Variants in JAKMIP3 observed in about 807,000 individuals in gnomAD.
JAKMIP3 encodes the protein janus kinase and microtubule-interacting protein 3.
Under a neutral mutation model 118.5 loss-of-function variants are expected in JAKMIP3, and 58 were observed. That is an observed-to-expected ratio of 0.49 (90% CI 0.40 to 0.61). JAKMIP3 has a LOEUF of 0.61. JAKMIP3 is among the 20% of genes least tolerant of loss of function. The pLI is 0.00. For missense variants in JAKMIP3, 950 were observed against 1,109.0 expected (o/e 0.86, Z 2.04); for synonymous variants, 486 against 451.2 (o/e 1.08, Z -0.98).
At chr10:132,137,763 G>T (rs2052132541) in intron 8 of JAKMIP3, among the ~76,000 whole-genome samples, 1 of 152,222 alleles carries the variant, frequency 6.6e-6, no homozygotes, top group Non-Finnish European at 1.5e-5. Context: ...CGCCACCCCT[G>T]CAGGGTCCGG....
At chr10:132,089,190 G>A (rs1225924826) in intron 1 of JAKMIP3, among the ~76,000 whole-genome samples, 3 of 149,186 alleles carry the variant, frequency 2.0e-5, no homozygotes, top group Non-Finnish European at 4.5e-5. Flanking sequence ...TGGCAATGCG[G>A]GCCCTTTTTT....
rs2037747137 is a variant in JAKMIP3 at position 132,041,513 on chromosome 10, CGCG to C, written c.-138+4776_-138+4778del. 4.6e-5 allele frequency among the ~76,000 whole-genome samples: 7 copies of C among 152,352 alleles called. No homozygotes were observed. The South Asian group carries it at 1.5e-3, about 32-fold the overall frequency. On this transcript the variant is annotated intron_variant, in intron 1 of 23. Coordinates refer to the JAKMIP3 transcript ENST00000657785. The stretch of plus-strand genomic sequence containing the variant: ...CCAGGAGCCAGTGTGGCCCCTCTGC[CGCG>C]TGTCCCCACGCCCTAGGAGGTGCAT...
chr10:132,160,235 T>TG (rs773569291), intron 19 of JAKMIP3, among the ~76,000 whole-genome samples: 1 of 3,438 alleles, frequency 2.9e-4, no homozygotes, highest in Non-Finnish European at 4.4e-4. Flanking sequence ...TGTGTGATGC[T>TG]GGGGGGGGCC....
Position 132,168,099 on chromosome 10 carries a change from G to C in JAKMIP3, c.*169G>C. ...GAAGAGTGAGAAGGGGCAGTGTGTG[G>C]GGCGTGGAGCTGCCGTCCACGTGGG... On this transcript the variant is annotated 3_prime_UTR_variant, in exon 23 of 24. Transcript: ENST00000684848. 3.1e-6 allele frequency: 4 copies of C among 1,289,326 alleles called. No homozygotes were observed. The highest frequency in any genetic ancestry group is 3.0e-6 in the Non-Finnish European group (3 of 988,646). The allele number at this position is 1,289,326 out of a possible 1,614,324, so 79.9% of individuals were successfully genotyped here.
chr10:132,116,912 C>G (rs559524957), intron 2 of JAKMIP3, among the ~76,000 whole-genome samples, 165 bp from the exon 3 acceptor site: 33 of 151,784 alleles, frequency 2.2e-4, no homozygotes, highest in African/African-American at 7.5e-4. Context: ...GAAGCTCCCC[C>G]AAATGCACAT....
intron 1 of JAKMIP3, among the ~76,000 whole-genome samples, chr10:132,095,295 C>T (rs1425909015): frequency 1.3e-5 from 2 of 152,238 alleles, no homozygotes; most frequent in Admixed American, 1.3e-4. Flanking sequence ...TTTCCTTCTC[C>T]CTGTGGCCTT....
At chr10:132,171,563 TTTAGAC>T (rs1366045274) in intron 23 of JAKMIP3, among the ~76,000 whole-genome samples, 3 of 152,190 alleles carry the variant, frequency 2.0e-5, no homozygotes, top group Admixed American at 2.0e-4. Flanking sequence ...TTGAAATAAT[TTTAGAC>T]TTAAAGTTGC....
chr10:132,116,494 G>T (rs536410943), intron 2 of JAKMIP3, among the ~76,000 whole-genome samples: 2 of 138,510 alleles, frequency 1.4e-5, no homozygotes, highest in African/African-American at 5.5e-5. Flanking sequence ...TCCCCCAAAT[G>T]CACATTCAGG....
chr10:132,052,299 T>A (rs2038125438), intron 1 of JAKMIP3, among the ~76,000 whole-genome samples: 1 of 152,238 alleles, frequency 6.6e-6, no homozygotes, highest in Non-Finnish European at 1.5e-5. Context: ...CAGCTGTTAG[T>A]CTAAATGTCT....
At position 132,140,431 on chromosome 10, in the gene JAKMIP3, C is replaced by CG. The variant is rs763072156; in HGVS notation, c.1345-19dup. ...TGCCTGGGTCTGGTTTGAACTGACA[C>CG]GTCGCATTTTGGTCACAAGCCGGTG... On this transcript the variant is annotated intron_variant, in intron 9 of 23. Transcript: ENST00000684848. 3.7e-6 allele frequency: 6 copies of CG among 1,613,278 alleles called. No homozygotes were observed. The highest frequency in any genetic ancestry group is 4.2e-6 in the Non-Finnish European group (5 of 1,179,728).
chr10:132,122,658 T>C (rs2048763426), intron 3 of JAKMIP3, among the ~76,000 whole-genome samples: 1 of 151,964 alleles, frequency 6.6e-6, no homozygotes, highest in African/African-American at 2.4e-5. Context: ...GGAAGCCAGA[T>C]GGAGGGAAGA....
At chr10:132,054,080 G>A (rs2038169486) in intron 1 of JAKMIP3, among the ~76,000 whole-genome samples, 1 of 151,004 alleles carries the variant, frequency 6.6e-6, no homozygotes, top group Admixed American at 6.6e-5. Flanking sequence ...CTGAAAGCAG[G>A]CCTGTGAACA....
At chr10:132,157,484 G>A (rs1286232139) in intron 19 of JAKMIP3, among the ~76,000 whole-genome samples, 1 of 152,172 alleles carries the variant, frequency 6.6e-6, no homozygotes, top group Non-Finnish European at 1.5e-5. Flanking sequence ...GAGATTATCT[G>A]CAGGAAAAGT....
chr10:132,149,554 T>TCCCCTGCCCCACCCCCTCTCCC, intron 15 of JAKMIP3, 44 bp downstream of exon 15: 1 of 530,844 alleles, frequency 1.9e-6, no homozygotes, highest in South Asian at 3.1e-5. Flanking sequence ...ACCTCACCCA[T>TCCCCTGCCCCACCCCCTCTCCC]CCCCCGCCCC....
chr10:132,108,925 A>ATACGCAAATGTATATATAAAT (rs2135079943), intron 2 of JAKMIP3, among the ~76,000 whole-genome samples: 1 of 149,522 alleles, frequency 6.7e-6, no homozygotes, highest in African/African-American at 2.4e-5. Flanking sequence ...TATAAATTAT[A>ATACGCAAATGTATATATAAAT]TACGCAAATG....
intron 1 of JAKMIP3, among the ~76,000 whole-genome samples, chr10:132,071,160 AGTGTGTGTGTGTGT>A (rs3068079): frequency 1.0e-3 from 153 of 149,154 alleles, no homozygotes; most frequent in Middle Eastern, 6.9e-3. Context: ...GTCATTTAAA[AGTGTGTGTGTGTGT>A]GTGTGTGTGT....
At chr10:132,081,925 C>T (rs184050766) in intron 1 of JAKMIP3, among the ~76,000 whole-genome samples, 33 of 151,994 alleles carry the variant, frequency 2.2e-4, no homozygotes, top group Admixed American at 1.8e-3. Flanking sequence ...CCTCTGCTTT[C>T]GTGCACATAG....
intron 23 of JAKMIP3, among the ~76,000 whole-genome samples, chr10:132,180,767 G>GCA (rs1442562155): frequency 0.013 from 392 of 29,488 alleles, 88 homozygotes; most frequent in Non-Finnish European, 0.014. Flanking sequence ...GTGCGTGTGT[G>GCA]TGCGTGTGTG....
intron 1 of JAKMIP3, among the ~76,000 whole-genome samples, chr10:132,091,465 G>A (rs527847932): frequency 9.6e-4 from 146 of 152,274 alleles, no homozygotes; most frequent in African/African-American, 3.3e-3. Flanking sequence ...CCTGTATTGG[G>A]TGCATATATG....
Sources: gnomAD v4.1 joint callset for allele counts (sites outside exome capture counted in the v4.1 genomes callset) on GRCh38, gnomAD v4.1.1 for gene constraint, MANE v1.5 for transcripts, NCBI Gene and HGNC (gene_info 2026-07-23, HGNC 2026-07-21) for gene names.